The following CACNA1D variants were observed in gnomAD, a reference collection of about 807,000 sequenced individuals.
CACNA1D encodes the protein voltage-dependent L-type calcium channel subunit alpha-1D.
Under a neutral mutation model 257.1 loss-of-function variants are expected in CACNA1D, and 55 were observed. That is an observed-to-expected ratio of 0.21 (90% CI 0.17 to 0.27). CACNA1D has a LOEUF of 0.27. CACNA1D is among the 10% of genes least tolerant of loss of function. The probability of loss-of-function intolerance (pLI) is 1.00; values close to 1 mark genes in which losing one functional copy is unlikely to be tolerated. For synonymous variants in CACNA1D, 980 were observed against 1,014.9 expected, an observed-to-expected ratio of 0.97 and a Z score of 0.65; for missense variants, 1,876 against 2,784.0, an observed-to-expected ratio of 0.67 and a Z score of 7.34.
intron 20 of CACNA1D, among the ~76,000 whole-genome samples, chr3:53,739,548 G>A (rs536659766): frequency 6.6e-6 from 1 of 152,314 alleles, no homozygotes; most frequent in South Asian, 2.1e-4. Flanking sequence ...CACCAATGAG[G>A]ATAGAGTTGC....
Position 53,671,324 on chromosome 3 carries a change from C to A in CACNA1D, c.1117-1699C>A, listed in dbSNP as rs536870230. 3.3e-4 allele frequency among the ~76,000 whole-genome samples: 50 copies of A among 152,156 alleles called. No individual in the cohort carries two copies. In the South Asian group the frequency reaches 1.0e-2, roughly 30 times the overall value. On this transcript the variant is annotated intron_variant, in intron 7 of 47. Coordinates refer to ENST00000350061, the MANE Select transcript of CACNA1D (RefSeq NM_001128840.3). ...TGATGGGAGCCCTGGACCTGTCTGC[C>A]CTCCCGTCACCTTGTTGGGCACCTT...
intron 32 of CACNA1D, among the ~76,000 whole-genome samples, chr3:53,772,357 T>C (rs1047792970): frequency 2.6e-5 from 4 of 152,224 alleles, no homozygotes; most frequent in Non-Finnish European, 5.9e-5. Context: ...AAGGAAATAC[T>C]TCAGCAGAAG....
chr3:53,795,483 C>CA (rs1428915184), intron 40 of CACNA1D, among the ~76,000 whole-genome samples: 1 of 152,158 alleles, frequency 6.6e-6, no homozygotes, highest in African/African-American at 2.4e-5. Flanking sequence ...GCTTAGGGGC[C>CA]AAGAGTCCTC....
intron 20 of CACNA1D, among the ~76,000 whole-genome samples, chr3:53,738,481 T>TA (rs2095081066): frequency 6.6e-6 from 1 of 151,974 alleles, no homozygotes; most frequent in Non-Finnish European, 1.5e-5. Context: ...CATTCCATCA[T>TA]AAAAAAAGGA....
intron 8 of CACNA1D, among the ~76,000 whole-genome samples, chr3:53,685,965 G>A (rs558144565): frequency 1.1e-3 from 161 of 152,046 alleles, no homozygotes; most frequent in Non-Finnish European, 1.7e-3. Context: ...TATTTAGAAA[G>A]CGTAATAAAA....
chr3:53,757,788 T>G (rs2095274842), intron 29 of CACNA1D, among the ~76,000 whole-genome samples: 1 of 152,218 alleles, frequency 6.6e-6, no homozygotes, highest in Non-Finnish European at 1.5e-5. Flanking sequence ...ATACCCTGCT[T>G]CCTCTTTGTT....
At chr3:53,705,437 G>A (rs552250105) in intron 9 of CACNA1D, among the ~76,000 whole-genome samples, 44 of 152,304 alleles carry the variant, frequency 2.9e-4, no homozygotes, top group African/African-American at 1.0e-3. Context: ...GGGCTCCCAA[G>A]CCCATAAAGC....
intron 3 of CACNA1D, among the ~76,000 whole-genome samples, chr3:53,643,093 G>A (rs187382682): frequency 2.0e-5 from 3 of 152,292 alleles, no homozygotes; most frequent in East Asian, 3.9e-4. Flanking sequence ...CACAGCTGTC[G>A]AGACTAGCAT....
At chr3:53,667,437 G>T (rs564880137) in intron 7 of CACNA1D, among the ~76,000 whole-genome samples, 10 of 152,308 alleles carry the variant, frequency 6.6e-5, no homozygotes, top group African/African-American at 2.4e-4. Flanking sequence ...CAAGTCCAAA[G>T]GGGAGTAACC....
chr3:53,647,324 T>C (rs2094032831), intron 3 of CACNA1D, among the ~76,000 whole-genome samples: 1 of 152,224 alleles, frequency 6.6e-6, no homozygotes, highest in African/African-American at 2.4e-5. Flanking sequence ...ATTTACTCTT[T>C]CCCTGTACCT....
intron 37 of CACNA1D, 83 bp downstream of exon 37, chr3:53,777,039 A>G (rs1033327247): frequency 2.0e-6 from 2 of 1,012,748 alleles, no homozygotes; most frequent in Non-Finnish European, 3.1e-6. Context: ...TGACACAGCC[A>G]GGCCTTCTGT....
chr3:53,787,840 T>A (rs2095463941), intron 40 of CACNA1D, among the ~76,000 whole-genome samples: 2 of 152,274 alleles, frequency 1.3e-5, no homozygotes, highest in South Asian at 2.1e-4. Flanking sequence ...CCACAGAGGC[T>A]GGCAAATCAT....
intron 40 of CACNA1D, 29 bp downstream of exon 40, chr3:53,786,981 T>C (rs542307394): frequency 1.9e-6 from 3 of 1,612,602 alleles, no homozygotes; most frequent in East Asian, 4.5e-5. Flanking sequence ...TTGTTTTCTC[T>C]TTTGACTAAC....
At chr3:53,681,288 C>A (rs1274138519) in intron 8 of CACNA1D, among the ~76,000 whole-genome samples, 1 of 152,162 alleles carries the variant, frequency 6.6e-6, no homozygotes, top group Non-Finnish European at 1.5e-5. Context: ...CATTGGAGAA[C>A]CATGGAGTTT....
intron 3 of CACNA1D, among the ~76,000 whole-genome samples, chr3:53,597,935 C>G (rs2107848527): frequency 6.6e-6 from 1 of 152,308 alleles, no homozygotes; most frequent in South Asian, 2.1e-4. Flanking sequence ...ACTGTAAAAA[C>G]TGCAATTACT....
chr3:53,706,448 T>A (rs114231998), intron 9 of CACNA1D, among the ~76,000 whole-genome samples: 411 of 152,284 alleles, frequency 2.7e-3, no homozygotes, highest in African/African-American at 9.6e-3. Flanking sequence ...ATTAGGCAAA[T>A]TACTCAACCT....
rs187685489 is a variant in CACNA1D, at chr3:53,721,500, C to A, written c.1506-814C>A. Among the ~76,000 whole-genome samples the A allele has an allele frequency of 1.5e-3, 228 of 152,316 alleles. 2 individuals are homozygous for A. Among genetic ancestry groups the A allele is most frequent in the Non-Finnish European group, 2.4e-3 (164 of 68,030 alleles). On this transcript the variant is annotated intron_variant, in intron 11 of 47. Coordinates refer to ENST00000350061, the MANE Select transcript of CACNA1D (RefSeq NM_001128840.3). Reference sequence around the variant, plus strand: ...CTCATGGCACACTTTACCAAAGCATCCCCTTGTGGCAGGGAAGGTTTTCTA... The same window carrying A: ...CTCATGGCACACTTTACCAAAGCATACCCTTGTGGCAGGGAAGGTTTTCTA...
chr3:53,692,713 A>G (rs2094539273), intron 8 of CACNA1D, among the ~76,000 whole-genome samples: 1 of 152,222 alleles, frequency 6.6e-6, no homozygotes, highest in African/African-American at 2.4e-5. Flanking sequence ...ATCTTCCCAA[A>G]AGATGAAAAC....
At chr3:53,711,820 A>T (rs2094759735) in intron 9 of CACNA1D, among the ~76,000 whole-genome samples, 1 of 152,364 alleles carries the variant, frequency 6.6e-6, no homozygotes, top group South Asian at 2.1e-4. Flanking sequence ...AGCCCTTGTC[A>T]TTCAGCACGT....
Sources: gnomAD v4.1 joint callset for allele counts (sites outside exome capture counted in the v4.1 genomes callset) on GRCh38, gnomAD v4.1.1 for gene constraint, MANE v1.5 for transcripts, NCBI Gene and HGNC (gene_info 2026-07-23, HGNC 2026-07-21) for gene names.